MIA2: variants seen among roughly 807,000 people sequenced by gnomAD.
MIA2 encodes the protein MIA SH3 domain ER export factor 2.
Under a neutral mutation model 167.8 loss-of-function variants are expected in MIA2, and 127 were observed. The observed-to-expected ratio is 0.76, with a 90% CI of 0.66 to 0.88. MIA2 has a LOEUF of 0.88. MIA2 is among the 40% of genes least tolerant of loss of function. The pLI, the probability that MIA2 is intolerant of heterozygous loss-of-function variation, is 0.00. For missense variants in MIA2, 1,690 were observed against 1,624.7 expected (o/e 1.04, Z -0.69); for synonymous variants, 552 against 541.9 (o/e 1.02, Z -0.26).
chr14:39,355,267 C>T (rs1173097341), downstream of MIA2, among the ~76,000 whole-genome samples: 1 of 152,154 alleles, frequency 6.6e-6, no homozygotes, highest in African/African-American at 2.4e-5. Context: ...TGAACAGGTT[C>T]TTCACATCCC....
At chr14:39,258,322 A>T (rs1248609719) in intron 6 of MIA2, among the ~76,000 whole-genome samples, 1 of 152,008 alleles carries the variant, frequency 6.6e-6, no homozygotes, top group African/African-American at 2.4e-5. Context: ...TTCACGCCTT[A>T]TTTTAGTAAG....
In MIA2 at chr14:39,279,446, T is replaced by C. The variant is rs758862204; in HGVS notation, c.2042-3T>C. The C allele has an allele frequency of 6.2e-7, 1 of 1,604,424 alleles. No individual in the cohort carries two copies. The highest frequency in any genetic ancestry group is 8.5e-7 in the Non-Finnish European group (1 of 1,177,752). ...CATGGTAATATTGACTTGACTTTTTTAGGACGAGAGAAAAAGCTTGCTCTA... is the reference window on the plus strand; with the variant it reads ...CATGGTAATATTGACTTGACTTTTTCAGGACGAGAGAAAAAGCTTGCTCTA... On this transcript the variant is annotated splice_region_variant and splice_polypyrimidine_tract_variant and intron_variant, in intron 8 of 28. Transcript: ENST00000640607.
chr14:39,269,806 C>G (rs1055915318), intron 6 of MIA2, among the ~76,000 whole-genome samples: 1 of 152,184 alleles, frequency 6.6e-6, no homozygotes, highest in African/African-American at 2.4e-5. Context: ...CAGGCGTGAG[C>G]CACTTCGCCT....
chr14:39,267,918 C>T (rs537519427), intron 6 of MIA2, among the ~76,000 whole-genome samples: 1 of 151,700 alleles, frequency 6.6e-6, no homozygotes, highest in Admixed American at 6.5e-5. Context: ...ACTGATGTAA[C>T]TTCTCGTTGA....
At chr14:39,304,827 G>C (rs2063077175) in intron 17 of MIA2, among the ~76,000 whole-genome samples, 1 of 152,110 alleles carries the variant, frequency 6.6e-6, no homozygotes, top group Non-Finnish European at 1.5e-5. Context: ...TAGACCTGTA[G>C]AAATGAAGGT....
At chr14:39,287,258 G>A (rs1233810380) in intron 9 of MIA2, among the ~76,000 whole-genome samples, 2 of 151,636 alleles carry the variant, frequency 1.3e-5, no homozygotes, top group Non-Finnish European at 2.9e-5. Context: ...TATTTTTTTT[G>A]TAGAGATGGT....
Position 39,326,933 on chromosome 14 carries a change from G to A in MIA2, c.3566G>A (p.Arg1189Lys), listed in dbSNP as rs1467710620. The change falls in exon 25 of 29, where the codon AGG (arginine) becomes AAG (lysine). Residue 1189 changes from arginine to lysine, a missense_variant. Arg to Lys is a conservative substitution (Grantham distance 26, BLOSUM62 2). Transcript: ENST00000640607. Reference protein sequence around the residue: ...TNERGESSCDRLTDPHRAPSD... With the variant: ...TNERGESSCDKLTDPHRAPSD... ...GAAAGAGGAGAATCAAGCTGTGATAGGTTAACCGATCCTCATAGGGCTCCC... is the reference window on the plus strand; with the variant it reads ...GAAAGAGGAGAATCAAGCTGTGATAAGTTAACCGATCCTCATAGGGCTCCC... The A allele has an allele frequency of 1.3e-6, 2 of 1,598,210 alleles. No homozygotes were observed. Among genetic ancestry groups the A allele is most frequent in the East Asian group, 2.3e-5 (1 of 43,074 alleles).
At chr14:39,279,239 G>A (rs1463222295) in intron 7 of MIA2, 98 bp from the exon 8 acceptor site, 72 of 943,576 alleles carry the variant, frequency 7.6e-5, no homozygotes, top group Non-Finnish European at 8.9e-5. Flanking sequence ...AAGGCAATAA[G>A]AAACCTGTAT....
At chr14:39,276,804 C>CT (rs1477484287) in intron 6 of MIA2, 130 bp from the exon 7 acceptor site, 2 of 909,636 alleles carry the variant, frequency 2.2e-6, no homozygotes, top group South Asian at 1.6e-5. Context: ...AAAATGTACT[C>CT]TGATACTTTC....
intron 19 of MIA2, among the ~76,000 whole-genome samples, chr14:39,313,821 A>G (rs931656145): frequency 6.6e-6 from 1 of 152,180 alleles, no homozygotes; most frequent in Non-Finnish European, 1.5e-5. Context: ...GTGTGCCACA[A>G]AAAGAAGAGT....
chr14:39,317,842 T>C, intron 21 of MIA2, 102 bp from the exon 22 acceptor site: 1 of 677,490 alleles, frequency 1.5e-6, no homozygotes, highest in Non-Finnish European at 2.3e-6. Context: ...TTGTGATATA[T>C]ATATATTTTT....
At chr14:39,280,953 C>G (rs1396439136) in intron 9 of MIA2, among the ~76,000 whole-genome samples, 1 of 121,188 alleles carries the variant, frequency 8.3e-6, no homozygotes, top group East Asian at 2.6e-4. Context: ...GCGTCTCTCT[C>G]TCTCTCTTGT....
At chr14:39,327,559 C>T (rs1443383418) in intron 25 of MIA2, among the ~76,000 whole-genome samples, 1 of 151,976 alleles carries the variant, frequency 6.6e-6, no homozygotes, top group African/African-American at 2.4e-5. Flanking sequence ...AAGATAATAA[C>T]TGCCATTCAA....
At chr14:39,332,967 G>A (rs1382932451) in intron 25 of MIA2, among the ~76,000 whole-genome samples, 2 of 151,906 alleles carry the variant, frequency 1.3e-5, no homozygotes, top group Non-Finnish European at 2.9e-5. Flanking sequence ...TCTAGTAAAA[G>A]TTTTATTTTA....
chr14:39,266,445 C>T (rs752777101), intron 6 of MIA2: 21 of 985,292 alleles, frequency 2.1e-5, no homozygotes, highest in Non-Finnish European at 2.2e-5. Context: ...CCAAGGTCCA[C>T]GGGGATTTGA....
chr14:39,259,466 T>C (rs2054976450), intron 6 of MIA2, among the ~76,000 whole-genome samples: 1 of 152,214 alleles, frequency 6.6e-6, no homozygotes, highest in Non-Finnish European at 1.5e-5. Flanking sequence ...AATCTGAAAA[T>C]TTAATGGATG....
At chr14:39,285,529 C>G (rs1221326798) in intron 9 of MIA2, among the ~76,000 whole-genome samples, 1 of 145,786 alleles carries the variant, frequency 6.9e-6, no homozygotes, top group East Asian at 2.1e-4. Context: ...GCTGACCCCC[C>G]ACCTCCCTCC....
At chr14:39,291,212 G>T in intron 10 of MIA2, 116 bp downstream of exon 10, 1 of 800,960 alleles carries the variant, frequency 1.2e-6, no homozygotes, top group African/African-American at 1.8e-5. Context: ...AGCATCTCTG[G>T]ATGTTAAAAC....
At chr14:39,359,256 C>T (rs1266341710) in intron 23 of MIA2, among the ~76,000 whole-genome samples, 1 of 152,198 alleles carries the variant, frequency 6.6e-6, no homozygotes, top group African/African-American at 2.4e-5. Context: ...CAATGGCGGG[C>T]ACCCCTCCCC....
Sources: allele counts gnomAD v4.1 joint callset (sites outside exome capture counted in the v4.1 genomes callset), GRCh38; gene constraint gnomAD v4.1.1; transcripts MANE v1.5; gene names NCBI Gene and HGNC (gene_info 2026-07-23, HGNC 2026-07-21).